FSD1: variants seen among roughly 807,000 people sequenced by gnomAD.
FSD1 encodes fibronectin type III and SPRY domain containing 1.
In FSD1, 23 loss-of-function variants were observed where a neutral mutation model predicts 58.2. That is an observed-to-expected ratio of 0.40 (90% CI 0.28 to 0.56). FSD1 has a LOEUF of 0.56. Among genes scored for constraint, FSD1 ranks in the 20% least tolerant of loss-of-function variants. The pLI is 0.54. For synonymous variants in FSD1, 265 were observed against 263.4 expected, an observed-to-expected ratio of 1.01 and a Z score of -0.06; for missense variants, 563 against 670.8, an observed-to-expected ratio of 0.84 and a Z score of 1.78.
intron 6 of FSD1, chr19:4,311,364 TC>T: frequency 6.1e-6 from 1 of 163,578 alleles, no homozygotes; most frequent in South Asian, 1.6e-4. Flanking sequence ...AGCTCAGCCC[TC>T]CCCCAACCCA....
At chr19:4,315,224 C>T (rs563624934) in intron 7 of FSD1, among the ~76,000 whole-genome samples, 123 of 151,790 alleles carry the variant, frequency 8.1e-4, no homozygotes, top group Middle Eastern at 6.9e-3. Flanking sequence ...CTCCCAGGTT[C>T]AAGCGATTCT....
At position 4,312,009 on chromosome 19, in the gene FSD1, A is replaced by G; in HGVS notation, c.658A>G (p.Met220Val). The G allele has an allele frequency of 6.2e-7, 1 of 1,612,708 alleles. No homozygotes were observed. Among genetic ancestry groups the G allele is most frequent in the Non-Finnish European group, 8.5e-7 (1 of 1,180,002 alleles). Residue 220 changes from methionine to valine, a missense_variant, in exon 7 of 13, where the codon ATG becomes GTG. Physicochemically the swap from Met to Val is conservative, Grantham distance 21 (BLOSUM62 1). Coordinates refer to ENST00000221856, the MANE Select transcript of FSD1 (RefSeq NM_024333.3). The part of the protein sequence containing the change: ...PPRLKEDQPW[M>V]VIEGIRQTEY... ...CCGCCTCAAGGAGGACCAGCCCTGG[A>G]TGGTCATCGAGGGCATCCGGCAGAC...
rs114253599 is a variant in FSD1 at position 4,321,180 on chromosome 19, G to A, written c.1040-1806G>A. Among the ~76,000 whole-genome samples the A allele has an allele frequency of 7.6e-3, 1,095 of 143,862 alleles. 23 individuals carry two copies. The highest frequency in any genetic ancestry group is 0.026 in the African/African-American group (1,001 of 37,942). The allele number at this position is 143,862 out of a possible 152,430, so 94.4% of individuals were successfully genotyped here. A position where few individuals can be genotyped will look rare whatever the true frequency, so the allele number is the denominator to read the frequency against. On this transcript the variant is annotated intron_variant, in intron 10 of 12. Transcript: ENST00000221856. Reference sequence around the variant, plus strand: ...TCTGGGGGGAATAGCTGGGACCTGAGGAGCATCTGGAGGGAATAACTGCAG... The same window carrying A: ...TCTGGGGGGAATAGCTGGGACCTGAAGAGCATCTGGAGGGAATAACTGCAG...
chr19:4,322,501 A>C (rs77014208), intron 10 of FSD1, among the ~76,000 whole-genome samples: 3 of 134,858 alleles, frequency 2.2e-5, no homozygotes, highest in South Asian at 5.1e-4. Context: ...TATCTGGAGG[A>C]TATAGCAGGA....
chr19:4,317,316 C>T (rs1451082996), intron 8 of FSD1, 36 bp downstream of exon 8: 6 of 1,223,204 alleles, frequency 4.9e-6, no homozygotes, highest in Non-Finnish European at 7.3e-6. Context: ...CCCCTAACTC[C>T]ATGGCCCCTT....
chr19:4,320,891 A>C (rs192530514), intron 10 of FSD1, among the ~76,000 whole-genome samples: 1 of 142,044 alleles, frequency 7.0e-6, no homozygotes, highest in Non-Finnish European at 1.5e-5. Context: ...ATCCGGGGAA[A>C]TAGCTGGGAC....
intron 8 of FSD1, among the ~76,000 whole-genome samples, chr19:4,317,729 C>A (rs1253606952): frequency 1.3e-5 from 2 of 152,168 alleles, no homozygotes; most frequent in Non-Finnish European, 2.9e-5. Context: ...CTTGAAAATG[C>A]CTCCAGAGGC....
intron 7 of FSD1, 54 bp downstream of exon 7, chr19:4,312,105 C>G: frequency 6.9e-7 from 1 of 1,447,898 alleles, no homozygotes; most frequent in Non-Finnish European, 9.4e-7. Context: ...CCTCTTCCAG[C>G]CTCCCGTCTC....
Position 4,315,301 on chromosome 19 carries a change from ATT to A in FSD1, c.701-1857_701-1856del, listed in dbSNP as rs1219053251. ...AGGCATGCGCCCCAACGCCTGGTTA[ATT>A]TTTTTTTTTTTTTTTTTTTTTTTGA... On this transcript the variant is annotated intron_variant, in intron 7 of 12. Transcript: ENST00000221856. 2.0e-4 allele frequency among the ~76,000 whole-genome samples: 16 copies of A among 79,562 alleles called. No homozygotes were observed. The South Asian group carries it at 2.2e-3, about 11-fold the overall frequency. 52.2% of individuals were successfully genotyped at this position (79,562 alleles called of 152,430 possible).
Position 4,304,774 on chromosome 19 carries a change from GGGGCA to G in FSD1, c.15+18_15+22del. ...GGAAGAACAGAGGGTAGGACGGGGT[GGGGCA>G]GGGCGGGCCCGCAGGGGCGTCGGGG... On this transcript the variant is annotated intron_variant, in intron 1 of 12. Coordinates refer to ENST00000221856, the MANE Select transcript of FSD1 (RefSeq NM_024333.3). The G allele has an allele frequency of 1.0e-6, 1 of 989,712 alleles. No homozygotes were observed. The highest frequency in any genetic ancestry group is 1.3e-6 in the Non-Finnish European group (1 of 766,834). The allele number at this position is 989,712 out of a possible 1,614,324, so 61.3% of individuals were successfully genotyped here. A position where few individuals can be genotyped will look rare whatever the true frequency, so the allele number is the denominator to read the frequency against.
Position 4,323,499 on chromosome 19 carries a change from T to TGTGGGGGGGGGGGGGG in FSD1, c.1381-33_1381-32insTGGGGGGGGGGGGGGG. 1 of 1,577,828 alleles carries TGTGGGGGGGGGGGGGG rather than the reference T, an allele frequency of 6.3e-7. No homozygotes were observed. Among genetic ancestry groups the TGTGGGGGGGGGGGGGG allele is most frequent in the Non-Finnish European group, 8.7e-7 (1 of 1,148,732 alleles). ...GGTGCTGGGCGCTGGGGTTTGAAGC[T>TGTGGGGGGGGGGGGGG]GAGCCCCTCCCCCCTCCCCCCGCTG... On this transcript the variant is annotated intron_variant, in intron 12 of 12. Transcript: ENST00000221856. This position sits in a 1 kb window ranked among gnomAD's most constrained non-coding sequence, Gnocchi z 7.7.
At chr19:4,319,049 C>T in intron 10 of FSD1, 98 bp downstream of exon 10, 2 of 886,336 alleles carry the variant, frequency 2.3e-6, no homozygotes, top group Non-Finnish European at 3.7e-6. Context: ...CGGAAACAGG[C>T]AGCCATCAGC....
chr19:4,310,234 AAAAG>A, intron 4 of FSD1, 35 bp from the exon 5 acceptor site: 1 of 1,613,656 alleles, frequency 6.2e-7, no homozygotes. Flanking sequence ...CAAAAACAAA[AAAAG>A]AAATCTTTGA....
intron 7 of FSD1, among the ~76,000 whole-genome samples, chr19:4,315,707 G>T (rs1188564305): frequency 6.7e-6 from 1 of 149,742 alleles, no homozygotes; most frequent in Non-Finnish European, 1.5e-5. Flanking sequence ...TGCCTCCTGG[G>T]TTCAAGCAAT....
At position 4,317,241 on chromosome 19, in the gene FSD1, G is replaced by T. The variant is rs1971764736; in HGVS notation, c.760G>T (p.Ala254Ser). Residue 254 changes from alanine to serine, a missense_variant, in exon 8 of 13, where the codon GCA becomes TCA. By Grantham distance (99) the Ala-to-Ser change is moderately conservative. Transcript: ENST00000221856. ...TGTGAAGGCCTGTAACAAGGCAGTT[G>T]CAGGAGAGTTCTCTGAGCCGGTGAC... ...FRVKACNKAV[A>S]GEFSEPVTLE... 1 of 1,612,784 alleles carries T rather than the reference G, an allele frequency of 6.2e-7. No individual in the cohort carries two copies. The highest frequency in any genetic ancestry group is 1.1e-5 in the South Asian group (1 of 91,074).
chr19:4,322,837 T>TG lies in FSD1; in HGVS notation c.1040-143dup, dbSNP rs369140830. On this transcript the variant is annotated intron_variant, in intron 10 of 12. Coordinates refer to ENST00000221856, the MANE Select transcript of FSD1 (RefSeq NM_024333.3). ...AATAGCTGGGAACCTGAGGAGTATCTGGGGGGTACAGCTAGGAACCTGGGG... is the reference window on the plus strand; with the variant it reads ...AATAGCTGGGAACCTGAGGAGTATCTGGGGGGGTACAGCTAGGAACCTGGGG... 218 of 954,770 alleles carry TG rather than the reference T, an allele frequency of 2.3e-4. 1 individual carries two copies. The East Asian group carries it at 5.5e-3, about 24-fold the overall frequency. The allele number at this position is 954,770 out of a possible 1,614,324, so 59.1% of individuals were successfully genotyped here. A position where few individuals can be genotyped will look rare whatever the true frequency, so the allele number is the denominator to read the frequency against.
At chr19:4,309,304 C>T (rs1056470490) in intron 4 of FSD1, among the ~76,000 whole-genome samples, 5 of 151,990 alleles carry the variant, frequency 3.3e-5, no homozygotes, top group African/African-American at 4.8e-5. Flanking sequence ...TGAATAAATA[C>T]TTTTTTAGTA....
At chr19:4,309,128 G>T (rs1487791657) in intron 4 of FSD1, among the ~76,000 whole-genome samples, 4 of 152,032 alleles carry the variant, frequency 2.6e-5, no homozygotes, top group African/African-American at 9.7e-5. Context: ...CACACCTGTG[G>T]TCCCAGCTAC....
intron 4 of FSD1, 64 bp from the exon 5 acceptor site, chr19:4,310,209 A>G: frequency 6.3e-7 from 1 of 1,586,730 alleles, no homozygotes; most frequent in Non-Finnish European, 8.7e-7. Flanking sequence ...TGGGCAACAG[A>G]GCAAGACTCC....
Sources: allele counts gnomAD v4.1 joint callset (sites outside exome capture counted in the v4.1 genomes callset), GRCh38; gene constraint gnomAD v4.1.1; non-coding constraint Gnocchi (gnomAD v3.1); transcripts MANE v1.5; gene names NCBI Gene and HGNC (gene_info 2026-07-23, HGNC 2026-07-21).